Variants in SLC44A3 observed in about 807,000 individuals in gnomAD.
SLC44A3 encodes the protein solute carrier family 44 member 3.
A neutral mutation model predicts 75.4 loss-of-function variants in SLC44A3; 74 were observed. The ratio of observed to expected loss-of-function variants is 0.98; its 90% CI spans 0.81 to 1.19. The LOEUF (loss-of-function observed/expected upper bound fraction) is 1.19. Among genes scored for constraint, SLC44A3 ranks in the 50% most tolerant of loss-of-function variants. The pLI is 0.00. For synonymous variants in SLC44A3, 310 were observed against 296.9 expected (o/e 1.04, Z -0.45); for missense variants, 700 against 778.6 (o/e 0.90, Z 1.20).
chr1:94,854,342 ATT>A (rs1327316122), intron 9 of SLC44A3, among the ~76,000 whole-genome samples: 1 of 152,190 alleles, frequency 6.6e-6, no homozygotes. Context: ...TGTGGCCCAC[ATT>A]GTTTGTCACA....
chr1:94,891,173 C>G lies in SLC44A3; in HGVS notation c.1526C>G (p.Thr509Arg). 6.2e-7 allele frequency: 1 copy of G among 1,613,384 alleles called. No homozygotes were observed. Among genetic ancestry groups the G allele is most frequent in the Non-Finnish European group, 8.5e-7 (1 of 1,179,576 alleles). Residue 509 changes from threonine to arginine, a missense_variant, in exon 13 of 15, where the codon ACA (threonine) becomes AGA (arginine). Physicochemically the swap from Thr to Arg is moderately conservative, Grantham distance 71. Coordinates refer to ENST00000271227, the MANE Select transcript of SLC44A3 (RefSeq NM_001114106.3). Reference sequence around the variant, plus strand: ...GCTATTAATGGGACAGATTTCTGTACATCAGCAAAAGATGCATTCAAAATC... The same window carrying G: ...GCTATTAATGGGACAGATTTCTGTAGATCAGCAAAAGATGCATTCAAAATC... ...TTAINGTDFC[T>R]SAKDAFKILS...
Position 94,880,193 on chromosome 1 carries a change from G to A in SLC44A3, c.1483-10937G>A, listed in dbSNP as rs192200614. 6.7e-4 allele frequency among the ~76,000 whole-genome samples: 102 copies of A among 152,292 alleles called. 1 individual carries two copies. Among genetic ancestry groups the A allele is most frequent in the African/African-American group, 2.4e-3 (99 of 41,562 alleles). ...CCTGAGTGTATAGTCAAAAGAATTCGAAGCGGGATCTCAGAGTTACTTGCA... is the reference window on the plus strand; with the variant it reads ...CCTGAGTGTATAGTCAAAAGAATTCAAAGCGGGATCTCAGAGTTACTTGCA... On this transcript the variant is annotated intron_variant, in intron 12 of 14. Coordinates refer to ENST00000271227, the MANE Select transcript of SLC44A3 (RefSeq NM_001114106.3).
intron 9 of SLC44A3, among the ~76,000 whole-genome samples, chr1:94,851,567 T>TTAGGG (rs1202503457): frequency 2.0e-5 from 3 of 152,196 alleles, no homozygotes; most frequent in Non-Finnish European, 4.4e-5. Flanking sequence ...ATGGATTCAG[T>TTAGGG]TAGGGGTGCT....
intron 2 of SLC44A3, among the ~76,000 whole-genome samples, chr1:94,823,407 T>C (rs1660883341): frequency 6.6e-6 from 1 of 152,100 alleles, no homozygotes; most frequent in African/African-American, 2.4e-5. Flanking sequence ...CAGTTAGACT[T>C]AGGAGGATCT....
intron 13 of SLC44A3, 35 bp downstream of exon 13, chr1:94,891,302 T>C: frequency 6.4e-7 from 1 of 1,565,414 alleles, no homozygotes; most frequent in Non-Finnish European, 8.6e-7. Flanking sequence ...GAGCCTGGGA[T>C]TCTGAAAATT....
intron 9 of SLC44A3, among the ~76,000 whole-genome samples, chr1:94,853,378 C>T (rs1031011630): frequency 2.0e-5 from 3 of 152,106 alleles, no homozygotes; most frequent in African/African-American, 7.2e-5. Flanking sequence ...TGAGGAATTT[C>T]ACTGTTAAAA....
intron 12 of SLC44A3, among the ~76,000 whole-genome samples, chr1:94,887,429 G>A (rs1215932724): frequency 2.0e-5 from 3 of 152,144 alleles, no homozygotes; most frequent in South Asian, 2.1e-4. Context: ...CTGCAGGAAG[G>A]CATATATAAT....
rs1157579281 is a variant in SLC44A3 at position 94,892,506 on chromosome 1, C to G, written c.1846C>G (p.Gln616Glu). The G allele has an allele frequency of 3.7e-6, 6 of 1,613,496 alleles. No homozygotes were observed. The African/African-American group carries it at 8.0e-5, about 22-fold the overall frequency. The change falls in exon 14 of 15, where the codon CAA (glutamine) becomes GAA (glutamate). Residue 616 changes from glutamine to glutamate, a missense_variant. Transcript: ENST00000271227. ...GSSEKPYFMD[Q>E]EFLSFVKRSN... ...GTCAGAAAAGCCCTACTTTATGGAT[C>G]AAGAATTTCTGGTAAGCAAACATTT...
At chr1:94,863,200 G>A (rs894238544) in intron 10 of SLC44A3, among the ~76,000 whole-genome samples, 1 of 152,106 alleles carries the variant, frequency 6.6e-6, no homozygotes, top group Non-Finnish European at 1.5e-5. Flanking sequence ...CCAGCTTCTG[G>A]AACCTCTGCA....
At chr1:94,843,821 C>T (rs149094279) in intron 8 of SLC44A3, among the ~76,000 whole-genome samples, 121 of 133,606 alleles carry the variant, frequency 9.1e-4, no homozygotes, top group African/African-American at 3.0e-3. Context: ...TTTGTGTTTG[C>T]GCTTTACAAA....
At chr1:94,822,403 GTC>G (rs1349568550) in intron 2 of SLC44A3, among the ~76,000 whole-genome samples, 1 of 152,210 alleles carries the variant, frequency 6.6e-6, no homozygotes, top group African/African-American at 2.4e-5. Flanking sequence ...AAGAGTCAGA[GTC>G]CTTTCTTAGC....
chr1:94,894,894 G>A lies in SLC44A3; in HGVS notation c.1934G>A (p.Gly645Glu). Residue 645 changes from glycine (G) to glutamate (E), a missense_variant, in exon 15 of 15, where the codon GGA becomes GAA. Coordinates refer to ENST00000271227, the MANE Select transcript of SLC44A3 (RefSeq NM_001114106.3). The stretch of plus-strand genomic sequence containing the variant: ...AAGCACTCATTAAGGAATGAGGAGG[G>A]AACAGAACTCCAGGCCATTGTGAGA... ...QDKHSLRNEE[G>E]TELQAIVR The A allele has an allele frequency of 6.2e-7, 1 of 1,611,756 alleles. No homozygotes were observed. Among genetic ancestry groups the A allele is most frequent in the Non-Finnish European group, 8.5e-7 (1 of 1,178,586 alleles).
At chr1:94,845,517 C>A in intron 9 of SLC44A3, 53 bp downstream of exon 9, 1 of 1,512,442 alleles carries the variant, frequency 6.6e-7, no homozygotes. Context: ...CACAGAAGAC[C>A]ATTTTGGAAC....
In SLC44A3 at chr1:94,833,908, T is replaced by G. The variant is rs571631775; in HGVS notation, c.510-3803T>G. 2.0e-5 allele frequency among the ~76,000 whole-genome samples: 3 copies of G among 148,600 alleles called. No homozygotes were observed. The South Asian group carries it at 6.2e-4, about 31-fold the overall frequency. ...GGATAGTGTGTAGAGGGTGACAAAT[T>G]AAATGACTAATAAGGAGCTGATGTG... On this transcript the variant is annotated intron_variant, in intron 5 of 14. Transcript: ENST00000271227.
In SLC44A3 at chr1:94,842,055, A is replaced by C; in HGVS notation, c.816A>C (p.Ile272=). Residue 272 remains isoleucine, a synonymous_variant, in exon 8 of 15, where the codon ATA becomes ATC. Coordinates refer to ENST00000271227, the MANE Select transcript of SLC44A3 (RefSeq NM_001114106.3). Reference sequence around the variant, plus strand: ...ATGACTATACCAACGACCTCAGCATAGAATTGGACACAGAAAGGGAAAATA... The same window carrying C: ...ATGACTATACCAACGACCTCAGCATCGAATTGGACACAGAAAGGGAAAATA... ...LYYDYTNDLS[I]ELDTERENMK... is the part of the protein sequence containing the mutation. 1 of 1,613,628 alleles carries C rather than the reference A, an allele frequency of 6.2e-7. No homozygotes were observed. The highest frequency in any genetic ancestry group is 8.5e-7 in the Non-Finnish European group (1 of 1,179,848).
intron 5 of SLC44A3, 30 bp downstream of exon 5, chr1:94,828,616 C>T: frequency 6.3e-7 from 1 of 1,599,552 alleles, no homozygotes; most frequent in East Asian, 2.2e-5. Context: ...TTCCTTAACT[C>T]TAAACAAAAG....
intron 12 of SLC44A3, among the ~76,000 whole-genome samples, chr1:94,873,069 T>C (rs1271745239): frequency 1.3e-5 from 2 of 152,134 alleles, no homozygotes; most frequent in African/African-American, 4.8e-5. Flanking sequence ...TAACATATAG[T>C]GATAAATAAA....
intron 12 of SLC44A3, among the ~76,000 whole-genome samples, chr1:94,880,464 C>T (rs1182945973): frequency 6.6e-6 from 1 of 152,176 alleles, no homozygotes. Flanking sequence ...CTGTATGATT[C>T]CATTCAGTAT....
chr1:94,879,442 G>T (rs1367133545), intron 12 of SLC44A3, among the ~76,000 whole-genome samples: 2 of 149,598 alleles, frequency 1.3e-5, no homozygotes, highest in South Asian at 2.1e-4. Flanking sequence ...TGAAGCGGGA[G>T]AATTGCTTGA....
Sources: gnomAD v4.1 joint callset for allele counts (sites outside exome capture counted in the v4.1 genomes callset) on GRCh38, gnomAD v4.1.1 for gene constraint, MANE v1.5 for transcripts, NCBI Gene and HGNC (gene_info 2026-07-23, HGNC 2026-07-21) for gene names.